The following ZNF827 variants were observed in gnomAD, a reference collection of about 807,000 sequenced individuals.
ZNF827 encodes the protein zinc finger protein 827.
In ZNF827, 13 loss-of-function variants were observed where a neutral mutation model predicts 102.4. The ratio of observed to expected loss-of-function variants is 0.13; its 90% CI spans 0.08 to 0.20. The LOEUF (loss-of-function observed/expected upper bound fraction) is 0.20, where lower values mean the gene tolerates loss of function less well. Among genes scored for constraint, ZNF827 ranks in the 10% least tolerant of loss-of-function variants. The pLI is 1.00. For synonymous variants in ZNF827, 523 were observed against 536.2 expected (o/e 0.98, Z 0.34); for missense variants, 1,103 against 1,344.4 (o/e 0.82, Z 2.81).
intron 7 of ZNF827, chr4:145,839,322 G>A (rs1324924373): frequency 2.6e-5 from 4 of 152,382 alleles, no homozygotes; most frequent in South Asian, 4.1e-4. Flanking sequence ...CAGACCGGGG[G>A]TGCCAGAGCC....
chr4:145,802,696 G>A (rs1288152924), intron 8 of ZNF827, among the ~76,000 whole-genome samples: 4 of 152,206 alleles, frequency 2.6e-5, no homozygotes, highest in African/African-American at 4.8e-5. Flanking sequence ...AGTGGCTCAC[G>A]CCTGTAATCC....
intron 11 of ZNF827, among the ~76,000 whole-genome samples, chr4:145,770,299 AAAATAAATAAATAAATAAAT>A (rs150231954): frequency 3.2e-4 from 28 of 87,210 alleles, no homozygotes; most frequent in East Asian, 4.4e-4. Context: ...ACCCTGTCTT[AAAATAAATAAATAAATAAAT>A]AAATAAATAA....
chr4:145,902,060 C>T lies in ZNF827; in HGVS notation c.1093+106G>A. On this transcript the variant is annotated intron_variant, in intron 2 of 14. Transcript: ENST00000508784. This position sits in a 1 kb window ranked among gnomAD's most constrained non-coding sequence, Gnocchi z 4.3. ...TTGTTGTGCTCTTGCTTTTTTATTC[C>T]TGCCTCAGATCAGATGGGGAACCCA... 4.3e-6 allele frequency: 6 copies of T among 1,409,662 alleles called. No individual in the cohort carries two copies. The highest frequency in any genetic ancestry group is 5.7e-6 in the Non-Finnish European group (6 of 1,056,212). The allele number at this position is 1,409,662 out of a possible 1,614,324, so 87.3% of individuals were successfully genotyped here.
intron 3 of ZNF827, among the ~76,000 whole-genome samples, chr4:145,888,441 G>C (rs546539534): frequency 6.6e-6 from 1 of 152,250 alleles, no homozygotes; most frequent in East Asian, 1.9e-4. Flanking sequence ...CCTATCCTCT[G>C]GTCATTTCAC....
At chr4:145,823,696 T>C (rs934180186) in intron 7 of ZNF827, among the ~76,000 whole-genome samples, 171 bp from the exon 8 acceptor site, 6 of 152,236 alleles carry the variant, frequency 3.9e-5, no homozygotes, top group South Asian at 2.1e-4. Context: ...AGAAAAGTCA[T>C]TACATCAGAC....
At chr4:145,894,174 G>A (rs1472042563) in intron 2 of ZNF827, among the ~76,000 whole-genome samples, 1 of 152,142 alleles carries the variant, frequency 6.6e-6, no homozygotes, top group African/African-American at 2.4e-5. Context: ...CGGATATGAT[G>A]TCTGGGATTT....
At chr4:145,858,157 G>GTGTGTGTGTT (rs1747350938) in intron 5 of ZNF827, among the ~76,000 whole-genome samples, 1 of 151,362 alleles carries the variant, frequency 6.6e-6, no homozygotes, top group Non-Finnish European at 1.5e-5. Context: ...GTGTGTGTGT[G>GTGTGTGTGTT]TGTGTGTGTG....
chr4:145,899,013 T>C (rs1285968085), intron 2 of ZNF827, among the ~76,000 whole-genome samples: 2 of 152,102 alleles, frequency 1.3e-5, no homozygotes, highest in Non-Finnish European at 2.9e-5. Context: ...TGGTGTGTAG[T>C]TTATTTTTGT....
chr4:145,897,492 CCTA>C (rs1332831714), intron 2 of ZNF827, among the ~76,000 whole-genome samples: 1 of 152,166 alleles, frequency 6.6e-6, no homozygotes, highest in Admixed American at 6.5e-5. Flanking sequence ...CCATTCTGGA[CCTA>C]CTAACATTAC....
At chr4:145,919,622 G>C (rs1393804263) in intron 1 of ZNF827, among the ~76,000 whole-genome samples, 2 of 152,208 alleles carry the variant, frequency 1.3e-5, no homozygotes, top group East Asian at 3.8e-4. Context: ...GAGGAATACA[G>C]TGATGAACCA....
rs150014788 is a variant in ZNF827 at position 145,863,643 on chromosome 4, A to G, written c.1981+6602T>C. On this transcript the variant is annotated intron_variant, in intron 5 of 14. Transcript: ENST00000508784. Reference sequence around the variant, plus strand: ...AGAGAAGCCAGACACAAAACACTGCATATTGTATGATTTCATTCATATGAA... The same window carrying G: ...AGAGAAGCCAGACACAAAACACTGCGTATTGTATGATTTCATTCATATGAA... Among the ~76,000 whole-genome samples the G allele has an allele frequency of 3.9e-3, 594 of 151,632 alleles. 4 individuals carry two copies. Among genetic ancestry groups the G allele is most frequent in the African/African-American group, 0.013 (534 of 41,286 alleles).
At chr4:145,925,092 C>T (rs1265381011) in intron 1 of ZNF827, among the ~76,000 whole-genome samples, 2 of 152,138 alleles carry the variant, frequency 1.3e-5, no homozygotes, top group Non-Finnish European at 2.9e-5. Context: ...AGAGTGTGTG[C>T]AGGGGAACTC....
intron 8 of ZNF827, among the ~76,000 whole-genome samples, chr4:145,807,804 A>AC (rs1165326662): frequency 6.6e-5 from 10 of 151,898 alleles, no homozygotes; most frequent in Admixed American, 3.9e-4. Context: ...CAAAAACAAA[A>AC]AAAAAACAAA....
At chr4:145,815,044 G>A (rs1389499748) in intron 8 of ZNF827, among the ~76,000 whole-genome samples, 1 of 152,224 alleles carries the variant, frequency 6.6e-6, no homozygotes, top group Non-Finnish European at 1.5e-5. Context: ...TATGGTGTGT[G>A]CCATGGTGGG....
chr4:145,856,827 AATTAATTC>A (rs1747168870), intron 5 of ZNF827, among the ~76,000 whole-genome samples: 1 of 152,100 alleles, frequency 6.6e-6, no homozygotes, highest in African/African-American at 2.4e-5. Context: ...TTAATTCTTT[AATTAATTC>A]ATTAATTAAT....
intron 8 of ZNF827, among the ~76,000 whole-genome samples, chr4:145,804,529 G>T (rs1434627059): frequency 6.6e-6 from 1 of 152,192 alleles, no homozygotes; most frequent in Non-Finnish European, 1.5e-5. Context: ...AGTCTATGAA[G>T]AATCTACATT....
In ZNF827 at chr4:145,774,408, A is replaced by T. The variant is rs184238225; in HGVS notation, c.2860+98T>A. 340 of 1,339,640 alleles carry T rather than the reference A, an allele frequency of 2.5e-4. 2 individuals carry two copies. Among genetic ancestry groups the T allele is most frequent in the Admixed American group, 6.2e-4 (29 of 46,976 alleles). 83.0% of individuals were successfully genotyped at this position (1,339,640 alleles called of 1,614,324 possible). A position where few individuals can be genotyped will look rare whatever the true frequency, so the allele number is the denominator to read the frequency against. On this transcript the variant is annotated intron_variant, in intron 11 of 14. Coordinates refer to ENST00000508784, the MANE Select transcript of ZNF827 (RefSeq NM_001306215.2). ...TTCCTTCCATGGAAGGAAAAGGGCA[A>T]TGTCTCAGGGCAGTGGGGATGCTTC...
At chr4:145,775,550 C>T (rs1283585177) in intron 10 of ZNF827, among the ~76,000 whole-genome samples, 1 of 152,054 alleles carries the variant, frequency 6.6e-6, no homozygotes, top group Non-Finnish European at 1.5e-5. Flanking sequence ...TGGAGCTCCA[C>T]CCCAGAGAGC....
At chr4:145,874,364 A>G (rs1748974748) in intron 4 of ZNF827, among the ~76,000 whole-genome samples, 1 of 152,240 alleles carries the variant, frequency 6.6e-6, no homozygotes, top group African/African-American at 2.4e-5. Flanking sequence ...ATATCAGAAG[A>G]GCATATGGAA....
Sources: allele counts gnomAD v4.1 joint callset (sites outside exome capture counted in the v4.1 genomes callset), GRCh38; gene constraint gnomAD v4.1.1; non-coding constraint Gnocchi (gnomAD v3.1); transcripts MANE v1.5; gene names NCBI Gene and HGNC (gene_info 2026-07-23, HGNC 2026-07-21).